The following ZMAT4 variants were observed in gnomAD, a reference collection of about 807,000 sequenced individuals.
ZMAT4 encodes the protein zinc finger matrin-type protein 4.
A neutral mutation model predicts 28.7 loss-of-function variants in ZMAT4; 17 were observed. The observed-to-expected ratio is 0.59, with a 90% CI of 0.41 to 0.89. The LOEUF is 0.89. ZMAT4 is among the 40% of genes least tolerant of loss of function. The pLI is 0.00. For missense variants in ZMAT4, 240 were observed against 283.8 expected, an observed-to-expected ratio of 0.85 and a Z score of 1.11; for synonymous variants, 117 against 109.2, an observed-to-expected ratio of 1.07 and a Z score of -0.44.
chr8:40,660,278 T>A (rs1808127764), intron 5 of ZMAT4, among the ~76,000 whole-genome samples: 1 of 152,188 alleles, frequency 6.6e-6, no homozygotes, highest in African/African-American at 2.4e-5. Flanking sequence ...TGTAAAGAAA[T>A]CTTTAGTTGT....
At chr8:40,603,367 AGAT>A (rs1480569480) in intron 5 of ZMAT4, among the ~76,000 whole-genome samples, 3 of 152,114 alleles carry the variant, frequency 2.0e-5, no homozygotes, top group Non-Finnish European at 4.4e-5. Flanking sequence ...TGATGTCTCC[AGAT>A]TTGTTCTTTT....
chr8:40,654,846 T>G (rs1327861015), intron 5 of ZMAT4, among the ~76,000 whole-genome samples: 1 of 152,104 alleles, frequency 6.6e-6, no homozygotes, highest in Non-Finnish European at 1.5e-5. Context: ...GACATCATAC[T>G]TCATAGTGAT....
intron 2 of ZMAT4, among the ~76,000 whole-genome samples, chr8:40,788,712 T>G (rs1036049937): frequency 6.6e-6 from 1 of 151,664 alleles, no homozygotes; most frequent in South Asian, 2.1e-4. Context: ...GGGAATACTT[T>G]CCAACTCATT....
At chr8:40,747,081 C>A (rs991875125) in intron 3 of ZMAT4, among the ~76,000 whole-genome samples, 12 of 152,170 alleles carry the variant, frequency 7.9e-5, no homozygotes, top group Non-Finnish European at 1.6e-4. Flanking sequence ...GCTGTGCTCA[C>A]TACTTATGCT....
In ZMAT4 at chr8:40,789,700, C is replaced by T. The variant is rs542450992; in HGVS notation, c.103-21970G>A. Among the ~76,000 whole-genome samples the T allele has an allele frequency of 2.0e-5, 3 of 152,126 alleles. No homozygotes were observed. The South Asian group carries it at 6.2e-4, about 32-fold the overall frequency. The stretch of plus-strand genomic sequence containing the variant: ...CATAAATATACATACCTACTGTGTA[C>T]CCACAAAAATTAAAAATTAAAAACA... On this transcript the variant is annotated intron_variant, in intron 2 of 6. Coordinates refer to ENST00000297737, the MANE Select transcript of ZMAT4 (RefSeq NM_024645.3).
chr8:40,725,189 G>C (rs1811269898), intron 3 of ZMAT4, among the ~76,000 whole-genome samples: 1 of 144,730 alleles, frequency 6.9e-6, no homozygotes, highest in Non-Finnish European at 1.5e-5. Flanking sequence ...TTCCTGCTAA[G>C]TCATCTGGCA....
chr8:40,555,746 C>T (rs780385746), intron 6 of ZMAT4, among the ~76,000 whole-genome samples: 2 of 152,050 alleles, frequency 1.3e-5, no homozygotes, highest in African/African-American at 4.8e-5. Flanking sequence ...AGCATGAATT[C>T]CCCCAGCCTC....
chr8:40,571,832 G>A (rs944677004), intron 6 of ZMAT4, among the ~76,000 whole-genome samples: 15 of 151,916 alleles, frequency 9.9e-5, no homozygotes, highest in African/African-American at 3.4e-4. Flanking sequence ...TTTTCTTATG[G>A]CCTGTTATCT....
intron 2 of ZMAT4, among the ~76,000 whole-genome samples, chr8:40,823,516 A>G (rs1428144892): frequency 1.3e-5 from 2 of 152,140 alleles, no homozygotes; most frequent in African/African-American, 4.8e-5. Context: ...AAAATTAGCC[A>G]GGTGTGGTGT....
intron 1 of ZMAT4, among the ~76,000 whole-genome samples, chr8:40,894,684 C>T (rs184319252): frequency 2.0e-5 from 3 of 152,168 alleles, no homozygotes; most frequent in Admixed American, 1.3e-4. Context: ...ATAGCGTGCT[C>T]CAACCTCTTC....
intron 3 of ZMAT4, among the ~76,000 whole-genome samples, chr8:40,707,872 A>T (rs891354405): frequency 1.4e-4 from 21 of 152,228 alleles, no homozygotes; most frequent in African/African-American, 5.1e-4. Context: ...TGTCTATAAT[A>T]GGACCTGCCA....
chr8:40,618,238 A>T (rs182963971), intron 5 of ZMAT4, among the ~76,000 whole-genome samples: 1 of 152,340 alleles, frequency 6.6e-6, no homozygotes, highest in Admixed American at 6.5e-5. Flanking sequence ...ACGAGAAAAC[A>T]AATTCTTTGT....
intron 3 of ZMAT4, among the ~76,000 whole-genome samples, chr8:40,732,298 T>C (rs1406098025): frequency 6.6e-6 from 1 of 152,108 alleles, no homozygotes; most frequent in East Asian, 1.9e-4. Context: ...GAAGAGTGCC[T>C]ACAACGGGAA....
At chr8:40,720,693 AT>A (rs1811047060) in intron 3 of ZMAT4, among the ~76,000 whole-genome samples, 1 of 151,766 alleles carries the variant, frequency 6.6e-6, no homozygotes, top group South Asian at 2.1e-4. Context: ...TGATCAGCTA[AT>A]TTTTGTATTT....
At chr8:40,614,001 G>A (rs1302947313) in intron 5 of ZMAT4, among the ~76,000 whole-genome samples, 4 of 152,256 alleles carry the variant, frequency 2.6e-5, no homozygotes, top group Admixed American at 6.5e-5. Context: ...GACATGGAGA[G>A]TCCATAAGTG....
At chr8:40,868,209 A>G (rs1817737845) in intron 1 of ZMAT4, among the ~76,000 whole-genome samples, 1 of 152,216 alleles carries the variant, frequency 6.6e-6, no homozygotes, top group Admixed American at 6.5e-5. Context: ...GTTTCCATTT[A>G]TAAATCTCCT....
chr8:40,839,038 A>G (rs956505618), intron 1 of ZMAT4, among the ~76,000 whole-genome samples: 2 of 152,206 alleles, frequency 1.3e-5, no homozygotes, highest in African/African-American at 4.8e-5. Flanking sequence ...ATAAAAGGCA[A>G]AATGGAGATC....
intron 5 of ZMAT4, among the ~76,000 whole-genome samples, chr8:40,631,214 C>G (rs1355661941): frequency 6.6e-6 from 1 of 152,074 alleles, no homozygotes; most frequent in Admixed American, 6.6e-5. Flanking sequence ...ACTCTCTCGC[C>G]CAGGCTGGAG....
intron 5 of ZMAT4, among the ~76,000 whole-genome samples, chr8:40,626,129 A>G (rs1806371536): frequency 8.3e-6 from 1 of 120,098 alleles, no homozygotes; most frequent in Non-Finnish European, 1.8e-5. Context: ...AAAAAAAAAA[A>G]AGACTGGATT....
Sources: gnomAD v4.1 joint callset for allele counts (sites outside exome capture counted in the v4.1 genomes callset) on GRCh38, gnomAD v4.1.1 for gene constraint, MANE v1.5 for transcripts, NCBI Gene and HGNC (gene_info 2026-07-23, HGNC 2026-07-21) for gene names.